The following TMPRSS11B variants were observed in gnomAD, a reference collection of about 807,000 sequenced individuals.
TMPRSS11B encodes transmembrane protease serine 11B.
Under a neutral mutation model 44.7 loss-of-function variants are expected in TMPRSS11B, and 53 were observed. The ratio of observed to expected loss-of-function variants is 1.19; its 90% CI spans 0.95 to 1.49. The LOEUF is 1.49. TMPRSS11B is among the 40% of genes most tolerant of loss of function. The pLI is 0.00. For missense variants in TMPRSS11B, 526 were observed against 494.8 expected (o/e 1.06, Z -0.60); for synonymous variants, 140 against 159.2 (o/e 0.88, Z 0.91).
intron 8 of TMPRSS11B, 86 bp from the exon 9 acceptor site, chr4:68,228,970 C>T: frequency 8.4e-6 from 12 of 1,433,336 alleles, no homozygotes; most frequent in Non-Finnish European, 1.1e-5. Context: ...AGCAGACTCT[C>T]TTGGTCACCA....
At chr4:68,234,709 A>G (rs1161447393) in intron 4 of TMPRSS11B, 86 bp from the exon 5 acceptor site, 1 of 1,390,214 alleles carries the variant, frequency 7.2e-7, no homozygotes, top group African/African-American at 1.5e-5. Flanking sequence ...CATTTTAATT[A>G]TCACATTTTC....
intron 3 of TMPRSS11B, 25 bp from the exon 4 acceptor site, chr4:68,236,094 T>C (rs1355960975): frequency 1.3e-6 from 2 of 1,575,628 alleles, no homozygotes; most frequent in East Asian, 4.5e-5. Context: ...AAAACAGTCA[T>C]CATGTATGTT....
Position 68,236,027 on chromosome 4 carries a change from CA to C in TMPRSS11B, c.282del (p.Tyr94Ter), listed in dbSNP as rs759241881. 3 of 1,585,978 alleles carry C rather than the reference CA, an allele frequency of 1.9e-6. No individual in the cohort carries two copies. The Admixed American group carries it at 5.3e-5, about 28-fold the overall frequency. ...AGAAGTTTGATGACCTCAGATTTGA[CA>C]TATTCCTTATATATACTGGAATTTT... ...AFQNSSIYKE[Y>X]VKSEVIKLLP... On this transcript the variant is annotated frameshift_variant, in exon 4 of 10. Coordinates refer to ENST00000332644, the MANE Select transcript of TMPRSS11B (RefSeq NM_182502.3). LOFTEE classifies it high-confidence loss of function.
At position 68,229,355 on chromosome 4, in the gene TMPRSS11B, G is replaced by T. The variant is rs1352526350; in HGVS notation, c.848C>A (p.Thr283Lys). The change falls in exon 8 of 10, where the codon ACA (threonine) becomes AAA (lysine). Residue 283 changes from threonine (T) to lysine (K), a missense_variant. Transcript: ENST00000332644. ...AAGACAAATCTTACGAATGTACTCT[G>T]TAAAAGAAACTTCTTCAGCAAGCTG... ...LVQLAEEVSF[T>K]EYIRKICLPE... 1.9e-6 allele frequency: 3 copies of T among 1,614,038 alleles called. No individual in the cohort carries two copies. In the South Asian group the frequency reaches 3.3e-5, roughly 18 times the overall value.
In TMPRSS11B at chr4:68,228,833, T is replaced by A; in HGVS notation, c.998A>T (p.Lys333Ile). 2 of 1,613,874 alleles carry A rather than the reference T, an allele frequency of 1.2e-6. No individual in the cohort carries two copies. Among genetic ancestry groups the A allele is most frequent in the Non-Finnish European group, 8.5e-7 (1 of 1,179,890 alleles). ...GTATGCATATGAGGCATTGCAAATTTTGTTGTCAATAATCTTCAAAAAGTC... is the reference window on the plus strand; with the variant it reads ...GTATGCATATGAGGCATTGCAAATTATGTTGTCAATAATCTTCAAAAAGTC... ...QEDFLKIIDN[K>I]ICNASYAYSG... is the part of the protein sequence containing the mutation. The change falls in exon 9 of 10, where the codon AAA becomes ATA. Residue 333 changes from lysine to isoleucine, a missense_variant. Physicochemically the swap from Lys to Ile is moderately radical, Grantham distance 102. Transcript: ENST00000332644.
chr4:68,234,219 A>G (rs1719597408), intron 5 of TMPRSS11B, among the ~76,000 whole-genome samples: 1 of 151,854 alleles, frequency 6.6e-6, no homozygotes, highest in Non-Finnish European at 1.5e-5. Flanking sequence ...CCCATGCATA[A>G]TAGCCAAACC....
intron 1 of TMPRSS11B, among the ~76,000 whole-genome samples, chr4:68,244,084 A>G (rs1719937246): frequency 6.6e-6 from 1 of 152,180 alleles, no homozygotes; most frequent in Non-Finnish European, 1.5e-5. Context: ...TTTTTGAATA[A>G]TAGCTGCACT....
chr4:68,242,017 CA>C (rs1483983202), intron 1 of TMPRSS11B, among the ~76,000 whole-genome samples: 2 of 150,322 alleles, frequency 1.3e-5, no homozygotes, highest in Admixed American at 1.4e-4. Flanking sequence ...GCTGGAAATA[CA>C]TCAGTGAGCA....
chr4:68,229,170 G>T, intron 8 of TMPRSS11B, 87 bp downstream of exon 8: 1 of 1,309,524 alleles, frequency 7.6e-7, no homozygotes, highest in South Asian at 1.5e-5. Context: ...TTGATTAATT[G>T]CATGAGGGGA....
At chr4:68,231,126 A>G (rs141846966) in intron 7 of TMPRSS11B, 77 bp downstream of exon 7, 1 of 1,306,934 alleles carries the variant, frequency 7.7e-7, no homozygotes, top group Non-Finnish European at 1.0e-6. Flanking sequence ...ACCTTGACAC[A>G]TTAAGTTAAC....
chr4:68,236,044 C>A lies in TMPRSS11B; in HGVS notation c.266G>T (p.Ser89Ile). The A allele has an allele frequency of 6.3e-7, 1 of 1,592,052 alleles. No homozygotes were observed. The highest frequency in any genetic ancestry group is 2.0e-4 in the Middle Eastern group (1 of 5,066). Residue 89 changes from serine (S) to isoleucine (I), a missense_variant, in exon 4 of 10, where the codon AGT becomes ATT. Coordinates refer to ENST00000332644, the MANE Select transcript of TMPRSS11B (RefSeq NM_182502.3). Reference protein sequence around the residue: ...TKMLNAFQNSSIYKEYVKSEV... With the variant: ...TKMLNAFQNSIIYKEYVKSEV... ...AGATTTGACATATTCCTTATATATA[C>A]TGGAATTTTGAAATGCATTTAACAT...
intron 2 of TMPRSS11B, among the ~76,000 whole-genome samples, chr4:68,239,204 A>G (rs1039460004): frequency 9.9e-5 from 15 of 152,214 alleles, no homozygotes; most frequent in African/African-American, 3.6e-4. Context: ...CACGAATCCA[A>G]TAGGACTAGT....
intron 5 of TMPRSS11B, 88 bp downstream of exon 5, chr4:68,234,375 A>G (rs1425029553): frequency 7.0e-7 from 1 of 1,428,962 alleles, no homozygotes; most frequent in African/African-American, 1.4e-5. Context: ...CGAATTACTA[A>G]AACTCTTAGT....
rs1307729875 is a variant in TMPRSS11B, at chr4:68,228,077, A to G, written c.1090-5T>C. The stretch of plus-strand genomic sequence containing the variant: ...TAGTGGTCCACCAGAATCATTCTAG[A>G]AGAAGAAAAGAAAAAAATGTTTCTT... On this transcript the variant is annotated splice_region_variant and splice_polypyrimidine_tract_variant and intron_variant, in intron 9 of 9. Transcript: ENST00000332644. 2 of 1,586,464 alleles carry G rather than the reference A, an allele frequency of 1.3e-6. No homozygotes were observed. Among genetic ancestry groups the G allele is most frequent in the Admixed American group, 1.9e-5 (1 of 51,622 alleles).
At position 68,242,325 on chromosome 4, in the gene TMPRSS11B, A is replaced by ATT. The variant is rs1560445619; in HGVS notation, c.9-522_9-521insAA. ...ATAATATATATAATATTATATATAT[A>ATT]ATATTATATTATATATATATTATAT... On this transcript the variant is annotated intron_variant, in intron 1 of 9. Transcript: ENST00000332644. 7.2e-3 allele frequency among the ~76,000 whole-genome samples: 463 copies of ATT among 64,322 alleles called. 24 individuals are homozygous for ATT. The East Asian group carries it at 0.11, about 16-fold the overall frequency. The allele number at this position is 64,322 out of a possible 152,430, so 42.2% of individuals were successfully genotyped here. A position where few individuals can be genotyped will look rare whatever the true frequency, so the allele number is the denominator to read the frequency against.
chr4:68,229,515 TC>T lies in TMPRSS11B; in HGVS notation c.687del (p.Asn231IlefsTer13). On this transcript the variant is annotated frameshift_variant and splice_region_variant, in exon 8 of 10. Transcript: ENST00000332644. LOFTEE classifies it high-confidence loss of function. ...WLLSAAHCFA[K>X]KNNSKDWTVN... ...ACAGTCCAATCTTTTGAATTATTTTTCCTAGAGGACACAATGTAATTAGAAT... is the reference window on the plus strand; with the variant it reads ...ACAGTCCAATCTTTTGAATTATTTTTCTAGAGGACACAATGTAATTAGAAT... 1 of 1,610,710 alleles carries T rather than the reference TC, an allele frequency of 6.2e-7. No homozygotes were observed. The highest frequency in any genetic ancestry group is 8.5e-7 in the Non-Finnish European group (1 of 1,177,984).
rs1051854842 is a variant in TMPRSS11B at position 68,228,885 on chromosome 4, C to A, written c.947-1G>T. The stretch of plus-strand genomic sequence containing the variant: ...TCTTGAAGTATCACTGGAAATGAAC[C>A]TAAAAGCAATAAGTGCTGCATATTA... On this transcript the variant is annotated splice_acceptor_variant, in intron 8 of 9. Transcript: ENST00000332644. LOFTEE classifies it high-confidence loss of function. 1 of 1,611,776 alleles carries A rather than the reference C, an allele frequency of 6.2e-7. No homozygotes were observed. Among genetic ancestry groups the A allele is most frequent in the South Asian group, 1.1e-5 (1 of 90,544 alleles).
At chr4:68,241,270 A>G (rs1267941436) in intron 2 of TMPRSS11B, among the ~76,000 whole-genome samples, 1 of 152,166 alleles carries the variant, frequency 6.6e-6, no homozygotes, top group East Asian at 1.9e-4. Context: ...TTGACTATCT[A>G]CTATTAAAAG....
chr4:68,228,186 C>CATTTTTTCCTCATTGTCAAA, intron 9 of TMPRSS11B, 114 bp from the exon 10 acceptor site: 1 of 970,640 alleles, frequency 1.0e-6, no homozygotes, highest in Non-Finnish European at 1.5e-6. Context: ...TCTCTTTGGG[C>CATTTTTTCCTCATTGTCAAA]TTAGAACTCT....
Sources: allele counts gnomAD v4.1 joint callset (sites outside exome capture counted in the v4.1 genomes callset), GRCh38; gene constraint gnomAD v4.1.1; transcripts MANE v1.5; gene names NCBI Gene and HGNC (gene_info 2026-07-23, HGNC 2026-07-21).